DENND5B: variants seen among roughly 807,000 people sequenced by gnomAD.
The protein encoded by DENND5B is DENN domain-containing protein 5B.
A neutral mutation model predicts 140.6 loss-of-function variants in DENND5B; 34 were observed. That is an observed-to-expected ratio of 0.24 (90% confidence interval 0.18 to 0.32). The LOEUF is 0.32. Among genes scored for constraint, DENND5B ranks in the 10% least tolerant of loss-of-function variants. DENND5B has a pLI of 1.00. For synonymous variants in DENND5B, 551 were observed against 562.1 expected, an observed-to-expected ratio of 0.98 and a Z score of 0.28; for missense variants, 1,142 against 1,560.2, an observed-to-expected ratio of 0.73 and a Z score of 4.52.
chr12:31,535,441 C>G (rs548676515), intron 1 of DENND5B, among the ~76,000 whole-genome samples: 4 of 151,190 alleles, frequency 2.6e-5, no homozygotes, highest in Non-Finnish European at 5.9e-5. Context: ...TATACACATA[C>G]ACACACACAC....
intron 2 of DENND5B, among the ~76,000 whole-genome samples, chr12:31,494,954 CTTTG>C (rs1321113582): frequency 2.6e-5 from 4 of 152,112 alleles, no homozygotes; most frequent in Admixed American, 6.6e-5. Flanking sequence ...TCTTTCCTTG[CTTTG>C]TTTGTATGTT....
chr12:31,533,298 A>G (rs530694846), intron 1 of DENND5B, among the ~76,000 whole-genome samples: 1 of 152,250 alleles, frequency 6.6e-6, no homozygotes, highest in South Asian at 2.1e-4. Context: ...AAAATACAGT[A>G]CAACAAATAA....
intron 8 of DENND5B, among the ~76,000 whole-genome samples, chr12:31,431,371 T>A (rs998507256): frequency 2.6e-5 from 4 of 152,178 alleles, no homozygotes; most frequent in Non-Finnish European, 4.4e-5. Flanking sequence ...TCTAAGTTGC[T>A]TGTTGCCTCA....
intron 17 of DENND5B, 102 bp from the exon 18 acceptor site, chr12:31,392,798 G>A (rs1266524930): frequency 6.6e-5 from 77 of 1,164,862 alleles, no homozygotes; most frequent in Non-Finnish European, 9.2e-5. Context: ...TACGTCATCA[G>A]AGCAGGCTGG....
At chr12:31,461,423 C>T (rs908262919) in intron 3 of DENND5B, among the ~76,000 whole-genome samples, 1 of 152,082 alleles carries the variant, frequency 6.6e-6, no homozygotes, top group African/African-American at 2.4e-5. Context: ...ATTAAAAGCT[C>T]CCCACAATAG....
intron 1 of DENND5B, among the ~76,000 whole-genome samples, chr12:31,575,847 T>TA (rs1402292569): frequency 6.6e-6 from 1 of 152,072 alleles, no homozygotes; most frequent in African/African-American, 2.4e-5. Context: ...ATGCCTGTAA[T>TA]ATCAGCTACT....
intron 1 of DENND5B, among the ~76,000 whole-genome samples, chr12:31,581,965 A>G (rs1950223274): frequency 6.6e-6 from 1 of 151,888 alleles, no homozygotes; most frequent in Non-Finnish European, 1.5e-5. Context: ...GTACGATGCA[A>G]ATTCCATGTA....
intron 1 of DENND5B, among the ~76,000 whole-genome samples, chr12:31,582,399 T>C (rs1434204988): frequency 6.6e-6 from 1 of 152,234 alleles, no homozygotes. Context: ...CTGCCAGCTA[T>C]GGTTTCACAA....
intron 1 of DENND5B, among the ~76,000 whole-genome samples, chr12:31,550,430 T>A (rs541351571): frequency 6.6e-6 from 1 of 152,228 alleles, no homozygotes; most frequent in Admixed American, 6.5e-5. Context: ...TTCCATGGTG[T>A]ATATGTGCCA....
At chr12:31,565,898 T>A (rs1181345365) in intron 1 of DENND5B, among the ~76,000 whole-genome samples, 3 of 152,124 alleles carry the variant, frequency 2.0e-5, no homozygotes, top group Non-Finnish European at 4.4e-5. Flanking sequence ...TCCCAGCACT[T>A]TGGGAGGCTA....
intron 1 of DENND5B, among the ~76,000 whole-genome samples, chr12:31,554,569 T>C (rs1338474338): frequency 6.6e-6 from 1 of 152,196 alleles, no homozygotes. Context: ...AGGAGTATCT[T>C]TGTCGCGTCC....
At chr12:31,405,959 CCTCAGT>C (rs1942108861) in intron 14 of DENND5B, among the ~76,000 whole-genome samples, 1 of 152,128 alleles carries the variant, frequency 6.6e-6, no homozygotes, top group South Asian at 2.1e-4. Context: ...GATTCTCCTA[CCTCAGT>C]CTCTGGAGTA....
At chr12:31,579,966 T>A (rs879639506) in intron 1 of DENND5B, among the ~76,000 whole-genome samples, 22 of 144,218 alleles carry the variant, frequency 1.5e-4, no homozygotes, top group African/African-American at 3.8e-4. Context: ...CAGAAAAAAA[T>A]ATATATAAAA....
chr12:31,459,575 A>G (rs1944925581), intron 4 of DENND5B, among the ~76,000 whole-genome samples: 1 of 152,024 alleles, frequency 6.6e-6, no homozygotes. Context: ...AGCGCTTGTA[A>G]TCCCACCACG....
chr12:31,589,063 A>C (rs1950504842), intron 1 of DENND5B, among the ~76,000 whole-genome samples: 1 of 152,230 alleles, frequency 6.6e-6, no homozygotes, highest in Non-Finnish European at 1.5e-5. Flanking sequence ...GTCACACCTA[A>C]AAGGTACAGT....
intron 1 of DENND5B, among the ~76,000 whole-genome samples, chr12:31,560,111 A>G (rs1212734862): frequency 1.3e-5 from 2 of 152,150 alleles, no homozygotes; most frequent in Non-Finnish European, 2.9e-5. Context: ...TCCATAATGT[A>G]TAATTCCAGC....
intron 1 of DENND5B, among the ~76,000 whole-genome samples, chr12:31,577,119 T>C (rs1333763743): frequency 6.6e-6 from 1 of 152,220 alleles, no homozygotes; most frequent in Non-Finnish European, 1.5e-5. Flanking sequence ...ATGAGCAATC[T>C]TGTGTCAAGC....
At position 31,398,307 on chromosome 12, in the gene DENND5B, T is replaced by C; in HGVS notation, c.3124A>G (p.Ile1042Val). ...GATGTCATCAACTCTCCAATAAGAA[T>C]TCTCTCCAGGCTCCCATCATCAATG... ...KGIDDGSLER[I>V]LIGELMTSAS... The change falls in exon 17 of 21, where the codon ATT becomes GTT. Residue 1042 changes from isoleucine to valine, a missense_variant. Ile to Val is a conservative substitution (Grantham distance 29, BLOSUM62 3). Transcript: ENST00000389082. The C allele has an allele frequency of 1.9e-6, 3 of 1,555,606 alleles. No homozygotes were observed. The highest frequency in any genetic ancestry group is 1.7e-6 in the Non-Finnish European group (2 of 1,149,004).
intron 1 of DENND5B, among the ~76,000 whole-genome samples, chr12:31,552,115 G>A (rs979563188): frequency 2.2e-4 from 34 of 152,162 alleles, no homozygotes; most frequent in African/African-American, 7.7e-4. Flanking sequence ...AATAGGAGTC[G>A]TGAGAGAGGG....
Sources: allele counts gnomAD v4.1 joint callset (sites outside exome capture counted in the v4.1 genomes callset), GRCh38; gene constraint gnomAD v4.1.1; transcripts MANE v1.5; gene names NCBI Gene and HGNC (gene_info 2026-07-23, HGNC 2026-07-21).